NAPB: variants seen among roughly 807,000 people sequenced by gnomAD.
The protein encoded by NAPB is NSF attachment protein beta, also known as beta-soluble NSF attachment protein.
NAPB carries 26 observed loss-of-function variants against 44.7 expected under a neutral mutation model. That is an observed-to-expected ratio of 0.58 (90% confidence interval 0.43 to 0.81). NAPB has a LOEUF of 0.81. Among genes scored for constraint, NAPB ranks in the 30% least tolerant of loss-of-function variants. The probability of loss-of-function intolerance (pLI) is 0.00; values close to 1 mark genes in which losing one functional copy is unlikely to be tolerated. For synonymous variants in NAPB, 120 were observed against 116.8 expected, an observed-to-expected ratio of 1.03 and a Z score of -0.18; for missense variants, 315 against 356.4, an observed-to-expected ratio of 0.88 and a Z score of 0.94.
chr20:23,404,673 A>C (rs1985105900), intron 1 of NAPB, among the ~76,000 whole-genome samples: 1 of 152,234 alleles, frequency 6.6e-6, no homozygotes, highest in Admixed American at 6.5e-5. Context: ...GCAGGTACTC[A>C]ATCAGAATGG....
intron 7 of NAPB, among the ~76,000 whole-genome samples, chr20:23,387,781 CAGACTT>C (rs1983636149): frequency 6.6e-6 from 1 of 152,116 alleles, no homozygotes. Context: ...CATCGACTGT[CAGACTT>C]AGTATTGTTA....
At chr20:23,392,441 G>C (rs1301848490) in intron 5 of NAPB, among the ~76,000 whole-genome samples, 2 of 152,086 alleles carry the variant, frequency 1.3e-5, no homozygotes, top group Non-Finnish European at 2.9e-5. Flanking sequence ...CAAGATGGGA[G>C]GACTGCTTGA....
At chr20:23,397,590 TTCTA>T (rs11468034) in intron 2 of NAPB, among the ~76,000 whole-genome samples, 12,046 of 152,238 alleles carry the variant, frequency 0.079, 1,099 homozygotes, top group African/African-American at 0.22. Flanking sequence ...TTGCTCACTT[TTCTA>T]TCTTAGTGTC....
intron 5 of NAPB, among the ~76,000 whole-genome samples, chr20:23,392,537 A>G (rs1318031938): frequency 6.6e-6 from 1 of 152,094 alleles, no homozygotes; most frequent in Non-Finnish European, 1.5e-5. Flanking sequence ...ATGGTGGCAC[A>G]TGCCTGTAGT....
intron 1 of NAPB, among the ~76,000 whole-genome samples, chr20:23,410,521 G>A (rs753838785): frequency 1.3e-5 from 2 of 152,178 alleles, no homozygotes; most frequent in Admixed American, 6.5e-5. Flanking sequence ...AATGGCAACC[G>A]TAGACACTGG....
chr20:23,385,881 C>G (rs532060332), intron 7 of NAPB, among the ~76,000 whole-genome samples: 5 of 152,250 alleles, frequency 3.3e-5, no homozygotes, highest in African/African-American at 1.2e-4. Flanking sequence ...CACCCAATAA[C>G]AGCATAATCA....
At chr20:23,389,081 C>A (rs6048773) in intron 7 of NAPB, among the ~76,000 whole-genome samples, 1,671 of 151,828 alleles carry the variant, frequency 0.011, 30 homozygotes, top group African/African-American at 0.039. Flanking sequence ...AATTAAAATC[C>A]GGAGAAAGTA....
chr20:23,393,481 G>A (rs1460778235), intron 5 of NAPB, among the ~76,000 whole-genome samples: 1 of 152,144 alleles, frequency 6.6e-6, no homozygotes, highest in African/African-American at 2.4e-5. Context: ...ATTTGGTATG[G>A]TGGAGGTAGG....
At chr20:23,385,966 AAT>A in intron 7 of NAPB, among the ~76,000 whole-genome samples, 1 of 152,324 alleles carries the variant, frequency 6.6e-6, no homozygotes, top group Non-Finnish European at 1.5e-5. Context: ...ATCACGCAAA[AAT>A]ATGTTATCTA....
At chr20:23,382,652 T>C (rs1262038122) in intron 7 of NAPB, among the ~76,000 whole-genome samples, 1 of 143,478 alleles carries the variant, frequency 7.0e-6, no homozygotes, top group Admixed American at 6.9e-5. Context: ...ATTTCAGAAC[T>C]GAAAAAAAAA....
chr20:23,421,176 G>C, intron 1 of NAPB, 129 bp downstream of exon 1: 1 of 701,766 alleles, frequency 1.4e-6, no homozygotes, highest in African/African-American at 1.9e-5. Flanking sequence ...GCGCCTGCAG[G>C]CTGAGGGCCC....
intron 7 of NAPB, among the ~76,000 whole-genome samples, chr20:23,384,284 G>C (rs891838925): frequency 6.6e-6 from 1 of 152,156 alleles, no homozygotes; most frequent in African/African-American, 2.4e-5. Flanking sequence ...CAAGTAGGCT[G>C]GGTGTGGTGG....
Position 23,398,854 on chromosome 20 carries a change from A to ATTTTT in NAPB, c.179-1671_179-1667dup, listed in dbSNP as rs34074566. On this transcript the variant is annotated intron_variant, in intron 2 of 10. Coordinates refer to ENST00000377026, the MANE Select transcript of NAPB (RefSeq NM_022080.3). ...GCAAGACTCTTGTCTCAAAAAAAAA[A>ATTTTT]TTTTTTTTTTTTTTTTTTTTTTTTG... 7.0e-3 allele frequency among the ~76,000 whole-genome samples: 636 copies of ATTTTT among 90,422 alleles called. 2 individuals carry two copies. Among genetic ancestry groups the ATTTTT allele is most frequent in the African/African-American group, 0.014 (295 of 20,730 alleles). The allele number at this position is 90,422 out of a possible 152,430, so 59.3% of individuals were successfully genotyped here.
intron 7 of NAPB, among the ~76,000 whole-genome samples, chr20:23,384,918 A>G (rs913382009): frequency 3.3e-5 from 5 of 152,162 alleles, no homozygotes; most frequent in Non-Finnish European, 7.3e-5. Flanking sequence ...CAGGAGTATG[A>G]AACCAGCCTG....
intron 1 of NAPB, among the ~76,000 whole-genome samples, chr20:23,413,669 T>C (rs1003314527): frequency 3.9e-5 from 6 of 152,124 alleles, no homozygotes; most frequent in Admixed American, 3.9e-4. Flanking sequence ...AGAACATTTT[T>C]AAAAGTCAGA....
intron 1 of NAPB, among the ~76,000 whole-genome samples, chr20:23,417,815 T>C (rs890558706): frequency 6.6e-6 from 1 of 152,034 alleles, no homozygotes; most frequent in Non-Finnish European, 1.5e-5. Flanking sequence ...AAGGTGGGGA[T>C]GGGAAAGGAA....
At chr20:23,420,718 G>A (rs934083121) in intron 1 of NAPB, among the ~76,000 whole-genome samples, 5 of 152,118 alleles carry the variant, frequency 3.3e-5, no homozygotes, top group Non-Finnish European at 7.4e-5. Flanking sequence ...TCAGGGAGCC[G>A]CTGACCTTCT....
chr20:23,404,761 T>C (rs964696033), intron 1 of NAPB, among the ~76,000 whole-genome samples: 1 of 152,216 alleles, frequency 6.6e-6, no homozygotes, highest in African/African-American at 2.4e-5. Context: ...GAGGAACATG[T>C]ATCTAGAATA....
intron 1 of NAPB, among the ~76,000 whole-genome samples, chr20:23,420,334 GCTATCAAT>G (rs1986292784): frequency 6.6e-6 from 1 of 152,214 alleles, no homozygotes. Context: ...GGAGGCTCTG[GCTATCAAT>G]CAATCTCCGG....
Sources: allele counts gnomAD v4.1 joint callset (sites outside exome capture counted in the v4.1 genomes callset), GRCh38; gene constraint gnomAD v4.1.1; transcripts MANE v1.5; gene names NCBI Gene and HGNC (gene_info 2026-07-23, HGNC 2026-07-21).